ANO3: variants seen among roughly 807,000 people sequenced by gnomAD.
The protein encoded by ANO3 is anoctamin-3.
In ANO3, 99 loss-of-function variants were observed where a neutral mutation model predicts 144.8. The ratio of observed to expected loss-of-function variants is 0.68; its 90% CI spans 0.58 to 0.81. The LOEUF (loss-of-function observed/expected upper bound fraction) is 0.81. Among genes scored for constraint, ANO3 ranks in the 30% least tolerant of loss-of-function variants. ANO3 has a pLI of 0.00. For missense variants in ANO3, 905 were observed against 1,202.2 expected, an observed-to-expected ratio of 0.75 and a Z score of 3.66; for synonymous variants, 414 against 392.6, an observed-to-expected ratio of 1.05 and a Z score of -0.64.
At chr11:26,495,201 C>T (rs1321667413) in intron 4 of ANO3, among the ~76,000 whole-genome samples, 1 of 151,442 alleles carries the variant, frequency 6.6e-6, no homozygotes, top group African/African-American at 2.4e-5. Context: ...AACTCCTGGG[C>T]TCAAGTGATC....
At chr11:26,607,508 TTATTCC>T (rs1024736104) in intron 17 of ANO3, among the ~76,000 whole-genome samples, 1 of 152,190 alleles carries the variant, frequency 6.6e-6, no homozygotes, top group Admixed American at 6.5e-5. Flanking sequence ...GAGGCTTTGT[TTATTCC>T]TTTTCATTCT....
chr11:26,333,618 T>A (rs1030123564), intron 1 of ANO3, among the ~76,000 whole-genome samples: 2 of 152,156 alleles, frequency 1.3e-5, no homozygotes, highest in African/African-American at 4.8e-5. Context: ...AAAACTAGAT[T>A]AACACACAAG....
intron 23 of ANO3, among the ~76,000 whole-genome samples, chr11:26,644,846 CACAT>C (rs942437173): frequency 4.0e-5 from 6 of 151,386 alleles, no homozygotes; most frequent in African/African-American, 7.3e-5. Flanking sequence ...CACACACACA[CACAT>C]ACCATATATA....
intron 17 of ANO3, among the ~76,000 whole-genome samples, 166 bp from the exon 18 acceptor site, chr11:26,624,296 A>G (rs540536189): frequency 1.8e-4 from 28 of 152,362 alleles, no homozygotes; most frequent in African/African-American, 6.0e-4. Flanking sequence ...TCATTCATGT[A>G]TGTATATATA....
At chr11:26,635,569 C>A (rs1015648311) in intron 20 of ANO3, among the ~76,000 whole-genome samples, 1 of 152,116 alleles carries the variant, frequency 6.6e-6, no homozygotes, top group Non-Finnish European at 1.5e-5. Context: ...TATATTTTCA[C>A]TGAGACTGAG....
intron 1 of ANO3, among the ~76,000 whole-genome samples, chr11:26,395,903 A>T (rs1857000596): frequency 6.6e-6 from 1 of 152,204 alleles, no homozygotes; most frequent in Non-Finnish European, 1.5e-5. Flanking sequence ...CATGACTAAA[A>T]CACCAAAAGC....
intron 1 of ANO3, among the ~76,000 whole-genome samples, chr11:26,214,383 T>A (rs532558752): frequency 1.3e-5 from 2 of 152,042 alleles, no homozygotes; most frequent in East Asian, 3.9e-4. Flanking sequence ...AATGGAGAAC[T>A]GTTAAGTAAA....
chr11:26,414,166 G>A (rs1054609664), intron 1 of ANO3, among the ~76,000 whole-genome samples: 4 of 152,082 alleles, frequency 2.6e-5, no homozygotes, highest in Non-Finnish European at 5.9e-5. Flanking sequence ...TTAAACCATT[G>A]TGGACGATGG....
intron 7 of ANO3, among the ~76,000 whole-genome samples, chr11:26,526,882 C>G (rs1849176990): frequency 6.6e-6 from 1 of 152,036 alleles, no homozygotes; most frequent in Admixed American, 6.6e-5. Context: ...AATTTCCAGT[C>G]ATTTTTGCTA....
At chr11:26,189,110 T>C in exon 1 of ANO3, 1 of 722,926 alleles carries the variant, frequency 1.4e-6, no homozygotes, top group Non-Finnish European at 1.7e-6. Context: ...TTTTTTTTCC[T>C]ATCCCTTAAT....
At chr11:26,540,057 A>G (rs947728233) in intron 10 of ANO3, among the ~76,000 whole-genome samples, 1 of 152,126 alleles carries the variant, frequency 6.6e-6, no homozygotes, top group African/African-American at 2.4e-5. Context: ...AAAGCAGAGA[A>G]GTTCAGCCTT....
At chr11:26,329,601 G>A (rs1374533455), upstream of ANO3, among the ~76,000 whole-genome samples, 2 of 152,092 alleles carry the variant, frequency 1.3e-5, no homozygotes, top group South Asian at 2.1e-4. Flanking sequence ...GTGCAAGGGT[G>A]TTAGAAATAA....
intron 1 of ANO3, among the ~76,000 whole-genome samples, chr11:26,425,693 C>T (rs192006544): frequency 6.6e-5 from 10 of 152,148 alleles, no homozygotes; most frequent in Admixed American, 6.6e-4. Flanking sequence ...TCAACTATTT[C>T]ATTCAAAATT....
chr11:26,559,869 CA>C (rs1217030003), intron 14 of ANO3, 90 bp downstream of exon 14: 27 of 813,208 alleles, frequency 3.3e-5, no homozygotes, highest in Middle Eastern at 3.8e-4. Flanking sequence ...CACACACACA[CA>C]CACACCATGA....
intron 11 of ANO3, 149 bp from the exon 12 acceptor site, chr11:26,547,267 C>A (rs1300708817): frequency 2.9e-6 from 2 of 701,456 alleles, no homozygotes; most frequent in South Asian, 2.0e-5. Context: ...AATTAACAAG[C>A]AGGAGTATTA....
intron 5 of ANO3, among the ~76,000 whole-genome samples, chr11:26,512,348 G>T (rs118001802): frequency 6.6e-6 from 1 of 152,290 alleles, no homozygotes; most frequent in East Asian, 1.9e-4. Context: ...GAAGGCAGTG[G>T]GTGTTTTGTT....
At chr11:26,257,597 G>A (rs1301539806) in intron 1 of ANO3, among the ~76,000 whole-genome samples, 1 of 152,014 alleles carries the variant, frequency 6.6e-6, no homozygotes, top group Non-Finnish European at 1.5e-5. Context: ...ATCAATAAAA[G>A]TACTTTAAAA....
chr11:26,227,035 T>C (rs1225671654), intron 1 of ANO3, among the ~76,000 whole-genome samples: 1 of 152,200 alleles, frequency 6.6e-6, no homozygotes, highest in African/African-American at 2.4e-5. Context: ...AAAGAAACTC[T>C]TGTAATCATA....
At chr11:26,650,255 G>A (rs1590678637) in intron 24 of ANO3, among the ~76,000 whole-genome samples, 1 of 152,076 alleles carries the variant, frequency 6.6e-6, no homozygotes, top group South Asian at 2.1e-4. Flanking sequence ...CAGTGGGAGG[G>A]GAGGATATTG....
Sources: allele counts gnomAD v4.1 joint callset (sites outside exome capture counted in the v4.1 genomes callset), GRCh38; gene constraint gnomAD v4.1.1; transcripts MANE v1.5; gene names NCBI Gene and HGNC (gene_info 2026-07-23, HGNC 2026-07-21).